MYOM3: variants seen among roughly 807,000 people sequenced by gnomAD.
MYOM3 encodes myomesin 3.
In MYOM3, 155 loss-of-function variants were observed where a neutral mutation model predicts 191.7. The observed-to-expected ratio is 0.81, with a 90% CI of 0.71 to 0.92. The LOEUF (loss-of-function observed/expected upper bound fraction) is 0.92, where lower values mean the gene tolerates loss of function less well. Ranked by LOEUF, MYOM3 falls within the 40% of genes least tolerant of loss-of-function variation. MYOM3 has a pLI of 0.00. For synonymous variants in MYOM3, 757 were observed against 762.9 expected, an observed-to-expected ratio of 0.99 and a Z score of 0.13; for missense variants, 1,889 against 1,890.6, an observed-to-expected ratio of 1.00 and a Z score of 0.02.
At position 24,090,645 on chromosome 1, in the gene MYOM3, C is replaced by T. The variant is rs949887252; in HGVS notation, c.1432+152G>A. On this transcript the variant is annotated intron_variant, in intron 12 of 36. Transcript: ENST00000374434. The stretch of plus-strand genomic sequence containing the variant: ...GAAGTTCTCGAGGGCTGGCCTTTGT[C>T]TCCTTCATCAGACTAGTGTTTACTG... The T allele has an allele frequency of 1.5e-4, 108 of 720,304 alleles. 1 individual carries two copies. The highest frequency in any genetic ancestry group is 2.3e-4 in the Non-Finnish European group (102 of 434,936). 44.6% of individuals were successfully genotyped at this position (720,304 alleles called of 1,614,324 possible). A position where few individuals can be genotyped will look rare whatever the true frequency, so the allele number is the denominator to read the frequency against.
chr1:24,105,899 C>G, intron 5 of MYOM3, 21 bp downstream of exon 5: 1 of 1,588,362 alleles, frequency 6.3e-7, no homozygotes, highest in South Asian at 1.1e-5. Context: ...CCCAGAACCC[C>G]TTCCTGCCCC....
rs762395947 is a variant in MYOM3 at position 24,064,166 on chromosome 1, AG to A, written c.3535-8del. 6 of 1,611,094 alleles carry A rather than the reference AG, an allele frequency of 3.7e-6. No homozygotes were observed. In the South Asian group the frequency reaches 6.6e-5, roughly 18 times the overall value. On this transcript the variant is annotated splice_region_variant and splice_polypyrimidine_tract_variant and intron_variant, in intron 29 of 36. Transcript: ENST00000374434. ...CCTTGTCCTTTTTGGACAACTGGAA[AG>A]AAGGATGAGCGATGGTGGTGTCAGC... is the stretch of plus-strand genomic sequence containing the variant.
chr1:24,076,576 G>A lies in MYOM3; in HGVS notation c.2587-303C>T, dbSNP rs12126710. Among the ~76,000 whole-genome samples, 3 of 63,588 alleles carry A rather than the reference G, an allele frequency of 4.7e-5. 1 individual carries two copies. The highest frequency in any genetic ancestry group is 1.1e-4 in the Non-Finnish European group (3 of 26,234). The allele number at this position is 63,588 out of a possible 152,430, so 41.7% of individuals were successfully genotyped here. A position where few individuals can be genotyped will look rare whatever the true frequency, so the allele number is the denominator to read the frequency against. ...TCGCCCAGGCTGGAGTGCAGTGGCG[G>A]GATCTCGGCTCATTGCAAGCTCCAC... On this transcript the variant is annotated intron_variant, in intron 20 of 36. Transcript: ENST00000374434.
At chr1:24,106,186 G>A in intron 4 of MYOM3, 109 bp from the exon 5 acceptor site, 1 of 1,264,048 alleles carries the variant, frequency 7.9e-7, no homozygotes, top group Non-Finnish European at 1.1e-6. Flanking sequence ...ACCCACATGG[G>A]CTGGAGTTCC....
intron 35 of MYOM3, among the ~76,000 whole-genome samples, chr1:24,059,521 T>C (rs1268246107): frequency 3.9e-5 from 6 of 152,216 alleles, no homozygotes; most frequent in Non-Finnish European, 7.3e-5. Flanking sequence ...CTGCCACTGA[T>C]CTGAGGTCAT....
intron 29 of MYOM3, among the ~76,000 whole-genome samples, chr1:24,065,512 G>C (rs984363515): frequency 2.0e-5 from 3 of 152,124 alleles, no homozygotes; most frequent in Non-Finnish European, 4.4e-5. Context: ...GGCGTTGAAA[G>C]AGCATCCCTT....
chr1:24,095,849 G>A (rs1037992506), intron 7 of MYOM3, among the ~76,000 whole-genome samples: 4 of 152,114 alleles, frequency 2.6e-5, no homozygotes, highest in African/African-American at 9.7e-5. Context: ...ATTTCTGGTG[G>A]GATCAGGGAG....
intron 25 of MYOM3, among the ~76,000 whole-genome samples, chr1:24,069,847 G>A (rs973871689): frequency 1.3e-5 from 2 of 151,926 alleles, no homozygotes; most frequent in Non-Finnish European, 2.9e-5. Context: ...CTGACCTCAG[G>A]TGATTCGCCT....
At position 24,063,350 on chromosome 1, in the gene MYOM3, C is replaced by T; in HGVS notation, c.3662-116G>A. The stretch of plus-strand genomic sequence containing the variant: ...CAGGTGCTGTGGGGGAAATGCAGTG[C>T]TGTGAAGAGGCGGGATTTTCTCTTC... On this transcript the variant is annotated intron_variant, in intron 31 of 36. Transcript: ENST00000374434. This position sits in a 1 kb window ranked among gnomAD's most constrained non-coding sequence, Gnocchi z 4.5. 1.5e-6 allele frequency: 2 copies of T among 1,370,338 alleles called. No homozygotes were observed. The highest frequency in any genetic ancestry group is 1.0e-6 in the Non-Finnish European group (1 of 961,434). 84.9% of individuals were successfully genotyped at this position (1,370,338 alleles called of 1,614,324 possible). A position where few individuals can be genotyped will look rare whatever the true frequency, so the allele number is the denominator to read the frequency against.
intron 7 of MYOM3, 102 bp from the exon 8 acceptor site, chr1:24,095,588 G>C: frequency 1.0e-6 from 1 of 976,638 alleles, no homozygotes; most frequent in Non-Finnish European, 1.5e-6. Context: ...GTCCTGGTCT[G>C]TTGGTGGCTT....
At chr1:24,080,624 TA>T (rs1276094408) in intron 19 of MYOM3, among the ~76,000 whole-genome samples, 1 of 152,260 alleles carries the variant, frequency 6.6e-6, no homozygotes, top group African/African-American at 2.4e-5. Context: ...CCCTCGTCTG[TA>T]AAATGGGGAT....
intron 16 of MYOM3, chr1:24,083,635 G>A (rs1643700843): frequency 6.6e-6 from 1 of 152,358 alleles, no homozygotes; most frequent in Non-Finnish European, 1.5e-5. Context: ...GTGGTATGGA[G>A]CCTGAACTCA....
At chr1:24,092,644 GGTGAA>G (rs143547760) in intron 10 of MYOM3, among the ~76,000 whole-genome samples, 1,739 of 152,236 alleles carry the variant, frequency 0.011, 33 homozygotes, top group African/African-American at 0.04. Context: ...TCACCCAGCT[GGTGAA>G]GTGACAAAGC....
At chr1:24,097,769 C>T (rs771019985) in intron 7 of MYOM3, among the ~76,000 whole-genome samples, 154 bp downstream of exon 7, 97 of 152,206 alleles carry the variant, frequency 6.4e-4, no homozygotes, top group Non-Finnish European at 1.6e-4. Context: ...CCCAGGGAAG[C>T]GGGAGTCTCC....
chr1:24,111,694 C>T lies in MYOM3; in HGVS notation c.-19+337G>A, dbSNP rs981489793. Reference sequence around the variant, plus strand: ...CCAGCTTAGCCTGGCTCCCGCTTATCGCTGCTCCATCACAGGAAAGACTCC... The same window carrying T: ...CCAGCTTAGCCTGGCTCCCGCTTATTGCTGCTCCATCACAGGAAAGACTCC... On this transcript the variant is annotated intron_variant, in intron 1 of 36. Transcript: ENST00000374434. This position sits in a 1 kb window ranked among gnomAD's most constrained non-coding sequence, Gnocchi z 4.7. Among the ~76,000 whole-genome samples the T allele has an allele frequency of 2.6e-5, 4 of 152,086 alleles. No individual in the cohort carries two copies. The highest frequency in any genetic ancestry group is 4.8e-5 in the African/African-American group (2 of 41,480).
intron 11 of MYOM3, among the ~76,000 whole-genome samples, chr1:24,091,374 G>T (rs546043081): frequency 6.6e-6 from 1 of 152,302 alleles, no homozygotes; most frequent in African/African-American, 2.4e-5. Context: ...ACACAGTTAG[G>T]ATTTACCTGA....
chr1:24,059,896 G>A lies in MYOM3; in HGVS notation c.3995-917C>T, dbSNP rs116186054. ...CAGGGATGTGCAAAGATCCCGATGC[G>A]GATGGTGTCTGTCCAGTGGGTGAAA... is the stretch of plus-strand genomic sequence containing the variant. On this transcript the variant is annotated intron_variant, in intron 35 of 36. Transcript: ENST00000374434. 2.5e-3 allele frequency among the ~76,000 whole-genome samples: 377 copies of A among 152,288 alleles called. 3 individuals carry two copies. The highest frequency in any genetic ancestry group is 7.0e-3 in the South Asian group (34 of 4,826).
chr1:24,059,218 C>T (rs12749962), intron 35 of MYOM3, among the ~76,000 whole-genome samples: 3,682 of 152,336 alleles, frequency 0.024, 65 homozygotes, highest in South Asian at 0.079. Context: ...ACTGCAACTT[C>T]TGCCTTCCAG....
intron 9 of MYOM3, among the ~76,000 whole-genome samples, chr1:24,093,631 G>T (rs1643863657): frequency 1.3e-5 from 2 of 152,072 alleles, no homozygotes; most frequent in South Asian, 2.1e-4. Flanking sequence ...CTCAGAAGTG[G>T]AGTCCAGGGC....
Sources: allele counts gnomAD v4.1 joint callset (sites outside exome capture counted in the v4.1 genomes callset), GRCh38; gene constraint gnomAD v4.1.1; non-coding constraint Gnocchi (gnomAD v3.1); transcripts MANE v1.5; gene names NCBI Gene and HGNC (gene_info 2026-07-23, HGNC 2026-07-21).